HECW2: variants seen among roughly 807,000 people sequenced by gnomAD.
The protein encoded by HECW2 is HECT, C2 and WW domain containing E3 ubiquitin protein ligase 2.
HECW2 carries 61 observed loss-of-function variants against 175.2 expected under a neutral mutation model. The observed-to-expected ratio is 0.35, with a 90% CI of 0.28 to 0.43. The LOEUF is 0.43. HECW2 is among the 20% of genes least tolerant of loss of function. The pLI is 1.00. For synonymous variants in HECW2, 671 were observed against 731.0 expected (o/e 0.92, Z 1.32); for missense variants, 1,524 against 2,000.5 (o/e 0.76, Z 4.54).
intron 1 of HECW2, among the ~76,000 whole-genome samples, chr2:196,482,918 A>G (rs143684684): frequency 1.5e-4 from 23 of 152,244 alleles, no homozygotes; most frequent in African/African-American, 5.5e-4. Flanking sequence ...TTTCCTTCTC[A>G]GTGTCCTTGG....
intron 1 of HECW2, among the ~76,000 whole-genome samples, chr2:196,462,277 G>A (rs1457318577): frequency 2.6e-5 from 4 of 152,072 alleles, no homozygotes; most frequent in African/African-American, 7.2e-5. Flanking sequence ...GGGAAAATGG[G>A]AAAGGGGAAA....
chr2:196,323,038 T>C (rs1280440513), intron 6 of HECW2, among the ~76,000 whole-genome samples: 1 of 152,246 alleles, frequency 6.6e-6, no homozygotes, highest in African/African-American at 2.4e-5. Context: ...CCTAATCTCA[T>C]GAAATTCTGA....
intron 2 of HECW2, among the ~76,000 whole-genome samples, chr2:196,385,850 A>T (rs761082273): frequency 2.0e-5 from 3 of 152,232 alleles, no homozygotes; most frequent in Non-Finnish European, 2.9e-5. Context: ...AATGAAACTA[A>T]CTTGGTTGGA....
chr2:196,414,140 G>A (rs1695190914), intron 2 of HECW2, among the ~76,000 whole-genome samples: 1 of 152,156 alleles, frequency 6.6e-6, no homozygotes, highest in Non-Finnish European at 1.5e-5. Context: ...ATAGTTCAGA[G>A]CCTCACGCCA....
intron 14 of HECW2, 185 bp downstream of exon 14, chr2:196,292,380 T>G: frequency 1.8e-6 from 1 of 549,996 alleles, no homozygotes; most frequent in Non-Finnish European, 3.3e-6. Flanking sequence ...CTCCACGACT[T>G]CAGAATGGCA....
At chr2:196,587,772 AAT>A (rs770455555) in intron 1 of HECW2, among the ~76,000 whole-genome samples, 59 of 152,336 alleles carry the variant, frequency 3.9e-4, no homozygotes, top group Non-Finnish European at 7.6e-4. Context: ...TAAATATTAT[AAT>A]AAGTTTTAAG....
chr2:196,434,066 T>C (rs369098814), intron 1 of HECW2, among the ~76,000 whole-genome samples: 1 of 152,158 alleles, frequency 6.6e-6, no homozygotes. Context: ...ATAGCAATTT[T>C]TGTGATCTAA....
chr2:196,206,276 T>C (rs1156837546), intron 28 of HECW2, among the ~76,000 whole-genome samples: 1 of 152,242 alleles, frequency 6.6e-6, no homozygotes, highest in African/African-American at 2.4e-5. Flanking sequence ...GAACCCATCT[T>C]TGGGAAATCA....
chr2:196,393,126 C>T (rs982541607), intron 2 of HECW2, among the ~76,000 whole-genome samples: 2 of 152,174 alleles, frequency 1.3e-5, no homozygotes, highest in African/African-American at 2.4e-5. Flanking sequence ...CCCTTCCTTA[C>T]ACCTTATACA....
chr2:196,572,674 A>C (rs1412651113), intron 1 of HECW2, among the ~76,000 whole-genome samples: 1 of 152,146 alleles, frequency 6.6e-6, no homozygotes, highest in Non-Finnish European at 1.5e-5. Context: ...ATGTGATGGT[A>C]TTTGGAGGTG....
At chr2:196,461,824 C>T in intron 1 of HECW2, among the ~76,000 whole-genome samples, 1 of 152,104 alleles carries the variant, frequency 6.6e-6, no homozygotes, top group Non-Finnish European at 1.5e-5. Context: ...CAACCACCTC[C>T]ACCTGGTCTC....
intron 2 of HECW2, among the ~76,000 whole-genome samples, chr2:196,406,847 G>A (rs1375441164): frequency 6.6e-6 from 1 of 152,204 alleles, no homozygotes; most frequent in East Asian, 1.9e-4. Flanking sequence ...TTGCAGAAAG[G>A]TCTTTCCTGA....
intron 27 of HECW2, among the ~76,000 whole-genome samples, 187 bp from the exon 28 acceptor site, chr2:196,216,164 G>C (rs747886079): frequency 2.6e-5 from 4 of 152,172 alleles, no homozygotes; most frequent in African/African-American, 4.8e-5. Context: ...TACTAAGAAA[G>C]AGAATACTGT....
At chr2:196,554,644 T>C (rs966867722) in intron 1 of HECW2, among the ~76,000 whole-genome samples, 4 of 152,190 alleles carry the variant, frequency 2.6e-5, no homozygotes, top group African/African-American at 9.7e-5. Flanking sequence ...TTAACCTGCT[T>C]TCTAAAATCA....
chr2:196,310,594 A>G (rs1248480082), intron 10 of HECW2, among the ~76,000 whole-genome samples: 4 of 152,240 alleles, frequency 2.6e-5, no homozygotes, highest in Non-Finnish European at 5.9e-5. Flanking sequence ...TGTTTTTGGT[A>G]TAAGAAAGCA....
rs1287346528 is a variant in HECW2 at position 196,508,318 on chromosome 2, T to C, written c.-35-74860A>G. 7.9e-5 allele frequency among the ~76,000 whole-genome samples: 12 copies of C among 152,374 alleles called. 1 individual carries two copies. Among genetic ancestry groups the C allele is most frequent in the South Asian group, 4.1e-4 (2 of 4,832 alleles). On this transcript the variant is annotated intron_variant, in intron 1 of 28. Coordinates refer to ENST00000644978, the MANE Select transcript of HECW2 (RefSeq NM_001348768.2). Reference sequence around the variant, plus strand: ...ACCTGAATCCATCAATCTCTGGGTATGCTCAAGACAAACAGGCTGAGTATT... The same window carrying C: ...ACCTGAATCCATCAATCTCTGGGTACGCTCAAGACAAACAGGCTGAGTATT...
intron 1 of HECW2, among the ~76,000 whole-genome samples, chr2:196,516,359 C>A (rs1412860690): frequency 2.0e-5 from 3 of 152,108 alleles, no homozygotes; most frequent in Non-Finnish European, 4.4e-5. Context: ...TGCAGTCTAC[C>A]AAGTTACAAA....
intron 1 of HECW2, among the ~76,000 whole-genome samples, chr2:196,513,161 T>TAA (rs1688014817): frequency 6.6e-6 from 1 of 152,228 alleles, no homozygotes; most frequent in Admixed American, 6.5e-5. Context: ...TATAATATTC[T>TAA]AAATTTTTGT....
At chr2:196,566,691 C>A (rs1018390497) in intron 1 of HECW2, among the ~76,000 whole-genome samples, 1 of 145,286 alleles carries the variant, frequency 6.9e-6, no homozygotes, top group African/African-American at 2.6e-5. Context: ...AGCCACCACA[C>A]CCAGCTAATT....
Sources: allele counts gnomAD v4.1 joint callset (sites outside exome capture counted in the v4.1 genomes callset), GRCh38; gene constraint gnomAD v4.1.1; transcripts MANE v1.5; gene names NCBI Gene and HGNC (gene_info 2026-07-23, HGNC 2026-07-21).